The following PCLO variants were observed in gnomAD, a reference collection of about 807,000 sequenced individuals.
The protein encoded by PCLO is protein piccolo.
In PCLO, 82 loss-of-function variants were observed where a neutral mutation model predicts 427.5. The ratio of observed to expected loss-of-function variants is 0.19; its 90% CI spans 0.16 to 0.23. The LOEUF is 0.23. Ranked by LOEUF, PCLO falls within the 10% of genes least tolerant of loss-of-function variation. The pLI is 1.00. For missense variants in PCLO, 6,239 were observed against 6,115.9 expected, an observed-to-expected ratio of 1.02 and a Z score of -0.67; for synonymous variants, 2,357 against 2,155.4, an observed-to-expected ratio of 1.09 and a Z score of -2.59.
At chr7:82,881,984 A>T (rs1329586293) in intron 9 of PCLO, among the ~76,000 whole-genome samples, 1 of 152,130 alleles carries the variant, frequency 6.6e-6, no homozygotes, top group Non-Finnish European at 1.5e-5. Context: ...GCATAAGAAG[A>T]TCAAGAAATT....
In PCLO at chr7:82,801,422, T is replaced by C. The variant is rs559189835; in HGVS notation, c.15007+96A>G. On this transcript the variant is annotated intron_variant, in intron 22 of 24. Transcript: ENST00000333891. ...ACCTATTGCTTTTGCCATTAGTTTGTAACATTTAAATTCATGTTAAAAGAA... is the reference window on the plus strand; with the variant it reads ...ACCTATTGCTTTTGCCATTAGTTTGCAACATTTAAATTCATGTTAAAAGAA... 5 of 688,336 alleles carry C rather than the reference T, an allele frequency of 7.3e-6. No individual in the cohort carries two copies. The African/African-American group carries it at 9.0e-5, about 12-fold the overall frequency. The allele number at this position is 688,336 out of a possible 1,614,324, so 42.6% of individuals were successfully genotyped here.
chr7:83,091,244 T>C (rs1016883213), intron 3 of PCLO, among the ~76,000 whole-genome samples: 4 of 152,164 alleles, frequency 2.6e-5, no homozygotes, highest in Admixed American at 2.0e-4. Context: ...TGCTAATCCA[T>C]GTATGAAAGC....
At chr7:83,140,342 C>T (rs1791830564) in intron 2 of PCLO, among the ~76,000 whole-genome samples, 1 of 152,092 alleles carries the variant, frequency 6.6e-6, no homozygotes. Flanking sequence ...AACCTCAATG[C>T]CTTAATGCCT....
intron 3 of PCLO, among the ~76,000 whole-genome samples, chr7:83,033,120 T>C (rs941879907): frequency 9.9e-5 from 15 of 152,128 alleles, no homozygotes; most frequent in African/African-American, 3.4e-4. Flanking sequence ...TGTCAGATTA[T>C]AAGTTTCCTG....
intron 22 of PCLO, among the ~76,000 whole-genome samples, chr7:82,794,467 T>TTTTTTTTTTTA (rs1791181266): frequency 2.7e-5 from 2 of 74,414 alleles, no homozygotes; most frequent in Non-Finnish European, 2.4e-5. Context: ...TTCTTTTTTT[T>TTTTTTTTTTTA]TTTTTTTTTT....
At chr7:82,880,254 T>TG (rs1372775646) in intron 9 of PCLO, among the ~76,000 whole-genome samples, 1 of 152,182 alleles carries the variant, frequency 6.6e-6, no homozygotes, top group Non-Finnish European at 1.5e-5. Flanking sequence ...TGTAATCTTA[T>TG]GGGACATTGT....
intron 3 of PCLO, among the ~76,000 whole-genome samples, chr7:83,000,422 T>A (rs1317146345): frequency 2.6e-5 from 4 of 151,946 alleles, no homozygotes; most frequent in African/African-American, 9.7e-5. Context: ...ACCTGCCTTG[T>A]AAGAAATGTT....
chr7:83,074,034 T>C (rs1583987014), intron 3 of PCLO, among the ~76,000 whole-genome samples: 1 of 151,884 alleles, frequency 6.6e-6, no homozygotes, highest in Non-Finnish European at 1.5e-5. Flanking sequence ...ATTAAACACA[T>C]ATAATTGTGG....
At chr7:82,966,923 A>G (rs183846032) in intron 3 of PCLO, among the ~76,000 whole-genome samples, 32 of 152,226 alleles carry the variant, frequency 2.1e-4, no homozygotes, top group Admixed American at 2.0e-3. Context: ...CAATTAATCA[A>G]AAGTTCTTTT....
intron 3 of PCLO, among the ~76,000 whole-genome samples, chr7:82,978,861 C>CAA (rs1554366747): frequency 2.5e-5 from 1 of 39,750 alleles, no homozygotes; most frequent in South Asian, 1.1e-3. Flanking sequence ...CACACAAACA[C>CAA]ACACACACAC....
At chr7:82,845,217 C>T (rs1792467406) in intron 13 of PCLO, 54 bp downstream of exon 13, 2 of 1,181,990 alleles carry the variant, frequency 1.7e-6, no homozygotes, top group African/African-American at 3.0e-5. Context: ...TGTCTCTATG[C>T]TGAATAAAGA....
In PCLO at chr7:82,824,381, A is replaced by C. The variant is rs536017593; in HGVS notation, c.14451T>G (p.Asp4817Glu). The change falls in exon 19 of 25, where the codon GAT (aspartate) becomes GAG (glutamate). Residue 4817 changes from aspartate (D) to glutamate (E), a missense_variant. Transcript: ENST00000333891. ...TGAGAGGATACCACCTTGGAGTGTT[A>C]TCGAGGTGAGATGTGCTAGATAAAT... ...LIDLSSTSHLDNTPRWYPLKE... is the reference protein window; with the variant it reads ...LIDLSSTSHLENTPRWYPLKE... 1 of 1,612,218 alleles carries C rather than the reference A, an allele frequency of 6.2e-7. No individual in the cohort carries two copies. The highest frequency in any genetic ancestry group is 1.3e-5 in the African/African-American group (1 of 74,956).
At chr7:82,914,379 T>C (rs1211756266) in intron 7 of PCLO, 5 of 521,622 alleles carry the variant, frequency 9.6e-6, no homozygotes, top group South Asian at 6.4e-5. Context: ...TATGGATTTA[T>C]AGGATGACCA....
chr7:83,077,515 C>G (rs1320183244), intron 3 of PCLO, among the ~76,000 whole-genome samples: 1 of 152,034 alleles, frequency 6.6e-6, no homozygotes, highest in African/African-American at 2.4e-5. Flanking sequence ...GAAGCCAGAA[C>G]CAGCTTCTGC....
chr7:82,987,289 A>C (rs1040581032), intron 3 of PCLO, among the ~76,000 whole-genome samples: 2 of 152,140 alleles, frequency 1.3e-5, no homozygotes, highest in East Asian at 3.9e-4. Flanking sequence ...AAATCCTCTC[A>C]GTTTCTAAAA....
At chr7:83,110,220 T>C (rs1323199138) in intron 3 of PCLO, among the ~76,000 whole-genome samples, 1 of 151,916 alleles carries the variant, frequency 6.6e-6, no homozygotes, top group East Asian at 1.9e-4. Flanking sequence ...GCAATAAGCA[T>C]GCAGCTTTCA....
intron 3 of PCLO, among the ~76,000 whole-genome samples, chr7:83,109,272 C>G (rs1790943488): frequency 6.6e-6 from 1 of 152,144 alleles, no homozygotes; most frequent in Non-Finnish European, 1.5e-5. Context: ...CAACCTGTCC[C>G]TCTAGTGTTC....
chr7:82,954,070 T>C lies in PCLO; in HGVS notation c.6883A>G (p.Ile2295Val), dbSNP rs1364633106. The C allele has an allele frequency of 6.2e-6, 10 of 1,613,858 alleles. No individual in the cohort carries two copies. The highest frequency in any genetic ancestry group is 1.7e-4 in the Middle Eastern group (1 of 6,060). ...TTCTTCACTGGGTCCTTTTCAGATA[T>C]AAGTAAGTCAGTAGAAACAGTGTCA... The part of the protein sequence containing the change: ...VADTVSTDLL[I>V]SEKDPVKKAK... The change falls in exon 5 of 25, where the codon ATA becomes GTA. Residue 2295 changes from isoleucine (I) to valine (V), a missense_variant. By Grantham distance (29) the Ile-to-Val change is conservative (BLOSUM62 3). Transcript: ENST00000333891.
intron 3 of PCLO, among the ~76,000 whole-genome samples, chr7:83,073,902 T>C (rs1187202903): frequency 3.3e-5 from 5 of 151,520 alleles, no homozygotes; most frequent in Non-Finnish European, 5.9e-5. Context: ...TAAAAAGAAC[T>C]TCAGAGCAAT....
Sources: allele counts gnomAD v4.1 joint callset (sites outside exome capture counted in the v4.1 genomes callset), GRCh38; gene constraint gnomAD v4.1.1; transcripts MANE v1.5; gene names NCBI Gene and HGNC (gene_info 2026-07-23, HGNC 2026-07-21).